Variants in ATP10D observed in about 807,000 individuals in gnomAD.
The protein encoded by ATP10D is phospholipid-transporting ATPase VD.
A neutral mutation model predicts 144.8 loss-of-function variants in ATP10D; 89 were observed. That is an observed-to-expected ratio of 0.61 (90% CI 0.52 to 0.73). The LOEUF (loss-of-function observed/expected upper bound fraction) is 0.73, where lower values mean the gene tolerates loss of function less well. ATP10D is among the 30% of genes least tolerant of loss of function. The probability of loss-of-function intolerance (pLI) is 0.00; values close to 1 mark genes in which losing one functional copy is unlikely to be tolerated. For missense variants in ATP10D, 1,603 were observed against 1,714.8 expected (o/e 0.93, Z 1.15); for synonymous variants, 571 against 615.1 (o/e 0.93, Z 1.06).
intron 1 of ATP10D, among the ~76,000 whole-genome samples, chr4:47,495,742 T>G (rs1366365706): frequency 6.6e-6 from 1 of 152,002 alleles, no homozygotes; most frequent in Admixed American, 6.5e-5. Flanking sequence ...AGCAACTTTT[T>G]TTTTTTTTTT....
chr4:47,561,046 T>C lies in ATP10D; in HGVS notation c.2639T>C (p.Met880Thr), dbSNP rs778944480. 32 of 1,613,680 alleles carry C rather than the reference T, an allele frequency of 2.0e-5. No individual in the cohort carries two copies. In the South Asian group the frequency reaches 2.9e-4, roughly 14 times the overall value. ...GAAGAATTACTACTTGAATCTGCCA[T>C]GAGGTTGGAGAACAAACTTACATTA... ...NREELLLESAMRLENKLTLLG... is the reference protein window; with the variant it reads ...NREELLLESATRLENKLTLLG... The change falls in exon 14 of 23, where the codon ATG becomes ACG. Residue 880 changes from methionine (M) to threonine (T), a missense_variant. Physicochemically the swap from Met to Thr is moderately conservative, Grantham distance 81 (BLOSUM62 -1). Coordinates refer to ENST00000273859, the MANE Select transcript of ATP10D (RefSeq NM_020453.4).
intron 9 of ATP10D, among the ~76,000 whole-genome samples, chr4:47,542,206 A>G (rs1408823538): frequency 6.6e-6 from 1 of 151,814 alleles, no homozygotes; most frequent in Admixed American, 6.6e-5. Flanking sequence ...AAGTGATCCT[A>G]CCACCTTAGC....
chr4:47,546,331 C>A (rs1718427151), intron 9 of ATP10D, among the ~76,000 whole-genome samples: 1 of 39,520 alleles, frequency 2.5e-5, no homozygotes, highest in Non-Finnish European at 4.1e-5. Context: ...AATTTGGTGT[C>A]TGAAACAGAG....
In ATP10D at chr4:47,572,889, C is replaced by T; in HGVS notation, c.3258C>T (p.Asp1086=). 1 of 1,614,134 alleles carries T rather than the reference C, an allele frequency of 6.2e-7. No homozygotes were observed. Among genetic ancestry groups the T allele is most frequent in the Non-Finnish European group, 8.5e-7 (1 of 1,180,012 alleles). Residue 1086 remains aspartate, a synonymous_variant, in exon 18 of 23, where the codon GAC becomes GAT. Transcript: ENST00000273859. The stretch of plus-strand genomic sequence containing the variant: ...ATCTGCAGGCTGTGATGGCCAGTGA[C>T]TTTGCCGTTTCTCAGTTCAAACATC... The part of the protein sequence containing the change: ...QEGMQAVMAS[D]FAVSQFKHLS...
chr4:47,575,250 C>T (rs773127677), intron 18 of ATP10D, among the ~76,000 whole-genome samples: 1 of 152,142 alleles, frequency 6.6e-6, no homozygotes, highest in Non-Finnish European at 1.5e-5. Context: ...TTAGAAGTAT[C>T]CCCCAGCCTT....
chr4:47,509,431 T>C (rs12501399), intron 1 of ATP10D, among the ~76,000 whole-genome samples: 29,682 of 152,110 alleles, frequency 0.2, 3,575 homozygotes, highest in East Asian at 0.63. Flanking sequence ...AATTGACAAA[T>C]ACAAATTGTA....
intron 21 of ATP10D, among the ~76,000 whole-genome samples, chr4:47,586,159 G>A (rs1720780112): frequency 6.6e-6 from 1 of 152,126 alleles, no homozygotes; most frequent in Non-Finnish European, 1.5e-5. Flanking sequence ...CCAATGTTTG[G>A]CATTGCCTGT....
chr4:47,522,254 G>A (rs1169846486), intron 3 of ATP10D, among the ~76,000 whole-genome samples: 2 of 152,176 alleles, frequency 1.3e-5, no homozygotes, highest in African/African-American at 4.8e-5. Flanking sequence ...TAACGAAAAT[G>A]TATCGTGGAG....
At chr4:47,577,037 T>G in intron 19 of ATP10D, 64 bp downstream of exon 19, 1 of 1,463,756 alleles carries the variant, frequency 6.8e-7, no homozygotes, top group African/African-American at 1.4e-5. Flanking sequence ...GTGTGTTTTC[T>G]TAGTTAGCAA....
chr4:47,561,116 GA>G lies in ATP10D; in HGVS notation c.2668+46del, dbSNP rs1560446220. The G allele has an allele frequency of 2.5e-6, 4 of 1,608,456 alleles. No individual in the cohort carries two copies. In the Admixed American group the frequency reaches 5.0e-5, roughly 20 times the overall value. Reference sequence around the variant, plus strand: ...TTGTATTGCCTGAATGGAGGATTTTGAAAAACACTGGATATCTTTGAATAAG... The same window carrying G: ...TTGTATTGCCTGAATGGAGGATTTTGAAAACACTGGATATCTTTGAATAAG... On this transcript the variant is annotated intron_variant, in intron 14 of 22. Transcript: ENST00000273859.
intron 10 of ATP10D, among the ~76,000 whole-genome samples, chr4:47,552,535 TCACTG>T (rs1718778709): frequency 6.6e-6 from 1 of 152,216 alleles, no homozygotes; most frequent in Non-Finnish European, 1.5e-5. Flanking sequence ...ATTCATGAAG[TCACTG>T]CCCTCTTAAC....
At chr4:47,561,583 A>G (rs981779872) in intron 14 of ATP10D, among the ~76,000 whole-genome samples, 3 of 152,136 alleles carry the variant, frequency 2.0e-5, no homozygotes, top group African/African-American at 4.8e-5. Flanking sequence ...CCTGGCTCCA[A>G]GCTTTTTATC....
chr4:47,524,478 C>G (rs932290407), intron 4 of ATP10D, among the ~76,000 whole-genome samples: 1 of 152,262 alleles, frequency 6.6e-6, no homozygotes, highest in African/African-American at 2.4e-5. Flanking sequence ...CACTACTTAA[C>G]GTTCTGTTGT....
chr4:47,524,158 C>T (rs189082840), intron 4 of ATP10D, among the ~76,000 whole-genome samples: 9 of 152,240 alleles, frequency 5.9e-5, no homozygotes, highest in Middle Eastern at 3.4e-3. Flanking sequence ...GATCTCCTCA[C>T]CTCGTGATCC....
chr4:47,555,383 G>A (rs115804678), intron 11 of ATP10D, among the ~76,000 whole-genome samples: 4,881 of 152,254 alleles, frequency 0.032, 246 homozygotes, highest in African/African-American at 0.11. Flanking sequence ...ACTGGTCCCT[G>A]GTGCCAAAAA....
chr4:47,507,699 G>A (rs915688451), intron 1 of ATP10D, among the ~76,000 whole-genome samples: 2 of 152,154 alleles, frequency 1.3e-5, no homozygotes, highest in Non-Finnish European at 2.9e-5. Flanking sequence ...GCATAGAGAG[G>A]AATTAGGTAT....
At chr4:47,526,547 G>A (rs1043869216) in intron 5 of ATP10D, among the ~76,000 whole-genome samples, 1 of 152,100 alleles carries the variant, frequency 6.6e-6, no homozygotes, top group African/African-American at 2.4e-5. Flanking sequence ...GCAAGAAAAG[G>A]AAATGAAAGA....
intron 16 of ATP10D, among the ~76,000 whole-genome samples, chr4:47,569,564 A>G (rs945958581): frequency 6.6e-6 from 1 of 152,192 alleles, no homozygotes; most frequent in African/African-American, 2.4e-5. Flanking sequence ...GCATTTTTCT[A>G]AGGAATGGAG....
intron 5 of ATP10D, among the ~76,000 whole-genome samples, chr4:47,532,858 T>C (rs1717640661): frequency 6.6e-6 from 1 of 152,148 alleles, no homozygotes. Flanking sequence ...CCAGACTGCA[T>C]GTTTGTTTTT....
Sources: gnomAD v4.1 joint callset for allele counts (sites outside exome capture counted in the v4.1 genomes callset) on GRCh38, gnomAD v4.1.1 for gene constraint, MANE v1.5 for transcripts, NCBI Gene and HGNC (gene_info 2026-07-23, HGNC 2026-07-21) for gene names.